The following SALL4 variants were observed in gnomAD, a reference collection of about 807,000 sequenced individuals.
SALL4 encodes the protein spalt like transcription factor 4, also known as sal-like protein 4.
In SALL4, 4 loss-of-function variants were observed where a neutral mutation model predicts 60.8. The observed-to-expected ratio is 0.07, with a 90% CI of 0.03 to 0.15. SALL4 has a LOEUF of 0.15. Ranked by LOEUF, SALL4 falls within the 10% of genes least tolerant of loss-of-function variation. SALL4 has a pLI of 1.00. For missense variants in SALL4, 1,178 were observed against 1,394.7 expected (o/e 0.84, Z 2.48); for synonymous variants, 580 against 574.9 (o/e 1.01, Z -0.13).
rs2078051857 is a variant in SALL4, at chr20:51,792,287, G to A, written c.196C>T (p.Leu66Phe). The change falls in exon 2 of 4, where the codon CTT (leucine) becomes TTT (phenylalanine). Residue 66 changes from leucine to phenylalanine, a missense_variant. By Grantham distance (22) the Leu-to-Phe change is conservative. Around this residue, in one of 5 missense-constraint regions of SALL4, gnomAD observed 108 missense variants for 95.7 expected, o/e 1.13. Coordinates refer to ENST00000217086, the MANE Select transcript of SALL4 (RefSeq NM_020436.5). ...ASEDEATVKR[L>F]RREETHVCEK... ...CAGACGTGCGTCTCCTCCCGACGAA[G>A]CCGCTTTACTGTGGCTTCATCCTCA... 1 of 1,610,966 alleles carries A rather than the reference G, an allele frequency of 6.2e-7. No individual in the cohort carries two copies.
chr20:51,802,313 A>C lies in SALL4; in HGVS notation c.96T>G (p.Asp32Glu). 4 of 1,610,152 alleles carry C rather than the reference A, an allele frequency of 2.5e-6. No individual in the cohort carries two copies. The highest frequency in any genetic ancestry group is 3.4e-6 in the Non-Finnish European group (4 of 1,179,448). Residue 32 changes from aspartate to glutamate, a missense_variant, in exon 1 of 4, where the codon GAT becomes GAG. Physicochemically the swap from Asp to Glu is conservative, Grantham distance 45 (BLOSUM62 2). Coordinates refer to ENST00000217086, the MANE Select transcript of SALL4 (RefSeq NM_020436.5). ...QPQQQTPEFA[D>E]AAPAAPAAGE... ...CCGCCGCGGGCGCCGCTGGGGCCGCATCTGCAAACTCCGGGGTCTGCTGCT... is the reference window on the plus strand; with the variant it reads ...CCGCCGCGGGCGCCGCTGGGGCCGCCTCTGCAAACTCCGGGGTCTGCTGCT...
chr20:51,788,718 A>C lies in SALL4; in HGVS notation c.2742+143T>G. The stretch of plus-strand genomic sequence containing the variant: ...GTCTCAAAAATAAATAAATAAATAA[A>C]CAAACTCCTGGACTCAAGCAATCCT... On this transcript the variant is annotated intron_variant, in intron 3 of 3. Coordinates refer to ENST00000217086, the MANE Select transcript of SALL4 (RefSeq NM_020436.5). This position sits in a 1 kb window ranked among gnomAD's most constrained non-coding sequence, Gnocchi z 4.1. 2 of 997,400 alleles carry C rather than the reference A, an allele frequency of 2.0e-6. No individual in the cohort carries two copies. Among genetic ancestry groups the C allele is most frequent in the Non-Finnish European group, 3.0e-6 (2 of 657,806 alleles). The allele number at this position is 997,400 out of a possible 1,614,324, so 61.8% of individuals were successfully genotyped here.
At chr20:51,792,550 ATGG>A (rs2122967457) in intron 1 of SALL4, among the ~76,000 whole-genome samples, 198 bp from the exon 2 acceptor site, 1 of 152,038 alleles carries the variant, frequency 6.6e-6, no homozygotes, top group South Asian at 2.1e-4. Flanking sequence ...TTAGCTGGGC[ATGG>A]TGGTGGGCTC....
intron 1 of SALL4, among the ~76,000 whole-genome samples, chr20:51,795,634 T>C (rs2078074849): frequency 6.6e-6 from 1 of 152,158 alleles, no homozygotes; most frequent in Non-Finnish European, 1.5e-5. Flanking sequence ...TAAAACAGTT[T>C]CTCTTGTTAG....
Position 51,782,343 on chromosome 20 carries a change from AC to A in SALL4, c.*1921del, listed in dbSNP as rs1466447888. ...ATATACACCTGGGTGAGAAAAAAAA[AC>A]ATTCAAATTTTATTTTCCAACAGAC... On this transcript the variant is annotated 3_prime_UTR_variant, in exon 4 of 4. Transcript: ENST00000217086. The A allele has an allele frequency of 5.3e-5, 8 of 152,090 alleles. No homozygotes were observed. The highest frequency in any genetic ancestry group is 1.3e-4 in the Admixed American group (2 of 15,248). 9.4% of individuals were successfully genotyped at this position (152,090 alleles called of 1,614,324 possible).
chr20:51,797,006 G>A (rs561923345), intron 1 of SALL4, among the ~76,000 whole-genome samples: 134 of 151,832 alleles, frequency 8.8e-4, no homozygotes, highest in African/African-American at 3.0e-3. Flanking sequence ...TTTAAACAGG[G>A]GGTCTATGAA....
intron 2 of SALL4, among the ~76,000 whole-genome samples, chr20:51,789,785 AC>A (rs1368990730): frequency 6.6e-6 from 1 of 152,182 alleles, no homozygotes; most frequent in African/African-American, 2.4e-5. Flanking sequence ...ATAAAAACCA[AC>A]AAAAAAGGTA....
At chr20:51,794,483 G>A (rs577504033) in intron 1 of SALL4, among the ~76,000 whole-genome samples, 14 of 152,156 alleles carry the variant, frequency 9.2e-5, no homozygotes, top group Admixed American at 5.9e-4. Context: ...CCCAGGAGGC[G>A]GAGGTTGCAG....
Position 51,790,289 on chromosome 20 carries a change from C to T in SALL4, c.2194G>A (p.Ala732Thr). The T allele has an allele frequency of 1.2e-6, 2 of 1,614,176 alleles. No individual in the cohort carries two copies. Among genetic ancestry groups the T allele is most frequent in the Non-Finnish European group, 1.7e-6 (2 of 1,180,046 alleles). ...GGGGCAGGACCCACTTTCCCTGGGGCATCTAAGGAAGCCATCATGGCAAAC... is the reference window on the plus strand; with the variant it reads ...GGGGCAGGACCCACTTTCCCTGGGGTATCTAAGGAAGCCATCATGGCAAAC... ...LGFAMMASLD[A>T]PGKVGPAPFN... is the part of the protein sequence containing the mutation. Residue 732 changes from alanine (A) to threonine (T), a missense_variant, in exon 2 of 4, where the codon GCC (alanine) becomes ACC (threonine). By Grantham distance (58) the Ala-to-Thr change is moderately conservative. Around this residue, in one of 5 missense-constraint regions of SALL4, gnomAD observed 853 missense variants for 1,036.8 expected, o/e 0.82. Transcript: ENST00000217086. This position sits in a 1 kb window ranked among gnomAD's most constrained non-coding sequence, Gnocchi z 5.5.
At chr20:51,792,946 G>C (rs2078058384) in intron 1 of SALL4, 1 of 994,668 alleles carries the variant, frequency 1.0e-6, no homozygotes, top group Admixed American at 5.4e-5. Context: ...ACAGGACAAA[G>C]ACAGGCATAT....
In SALL4 at chr20:51,784,307, C is replaced by G. The variant is rs2077974334; in HGVS notation, c.3120G>C (p.Gln1040His). 6 of 1,614,152 alleles carry G rather than the reference C, an allele frequency of 3.7e-6. No homozygotes were observed. The highest frequency in any genetic ancestry group is 5.1e-6 in the Non-Finnish European group (6 of 1,180,042). The change falls in exon 4 of 4, where the codon CAG (glutamine) becomes CAC (histidine). Residue 1040 changes from glutamine to histidine, a missense_variant. Transcript: ENST00000217086. ...PSATDGVPKH[Q>H]FPHFLEENKI... ...TGTTTTCTTCCAGGAAGTGAGGAAA[C>G]TGGTGTTTGGGAACGCCGTCAGTAG...
At chr20:51,797,441 G>C (rs2078085335) in intron 1 of SALL4, 1 of 152,046 alleles carries the variant, frequency 6.6e-6, no homozygotes, top group Admixed American at 6.6e-5. Flanking sequence ...TGCCTTTGCT[G>C]TATACACAAG....
chr20:51,802,356 T>G lies in SALL4; in HGVS notation c.53A>C (p.Gln18Pro). 1 of 1,611,140 alleles carries G rather than the reference T, an allele frequency of 6.2e-7. No homozygotes were observed. ...KPQHINSEED[Q>P]GEQQPQQQTP... ...CTGCTGCTGCGGCTGCTGCTCGCCC[T>G]GGTCCTCCTCCGAGTTGATGTGCTG... Residue 18 changes from glutamine (Q) to proline (P), a missense_variant, in exon 1 of 4, where the codon CAG becomes CCG. Physicochemically the swap from Gln to Pro is moderately conservative, Grantham distance 76 (BLOSUM62 -1). Around this residue, in one of 5 missense-constraint regions of SALL4, gnomAD observed 108 missense variants for 95.7 expected, o/e 1.13. Transcript: ENST00000217086.
chr20:51,790,073 C>G lies in SALL4; in HGVS notation c.2410G>C (p.Asp804His), dbSNP rs147768774. The change falls in exon 2 of 4, where the codon GAT becomes CAT. Residue 804 changes from aspartate to histidine, a missense_variant. By Grantham distance (81) the Asp-to-His change is moderately conservative. Transcript: ENST00000217086. This position sits in a 1 kb window ranked among gnomAD's most constrained non-coding sequence, Gnocchi z 5.5. Reference sequence around the variant, plus strand: ...GAGCTCTCTGCTTTGCTCCCAGCATCGGGAGACTTTGACTTGATGCTTTCG... The same window carrying G: ...GAGCTCTCTGCTTTGCTCCCAGCATGGGGAGACTTTGACTTGATGCTTTCG... The part of the protein sequence containing the change: ...QAESIKSKSP[D>H]AGSKAESSEN... 9.3e-6 allele frequency: 15 copies of G among 1,614,056 alleles called. No homozygotes were observed. Among genetic ancestry groups the G allele is most frequent in the Admixed American group, 1.7e-5 (1 of 60,000 alleles).
Position 51,790,757 on chromosome 20 carries a change from T to C in SALL4, c.1726A>G (p.Ser576Gly), listed in dbSNP as rs140430438. Residue 576 changes from serine (S) to glycine (G), a missense_variant, in exon 2 of 4, where the codon AGC (serine) becomes GGC (glycine). Ser to Gly is a moderately conservative substitution (Grantham distance 56). Around this residue, in one of 5 missense-constraint regions of SALL4, gnomAD observed 853 missense variants for 1,036.8 expected, o/e 0.82. Coordinates refer to ENST00000217086, the MANE Select transcript of SALL4 (RefSeq NM_020436.5). This position sits in a 1 kb window ranked among gnomAD's most constrained non-coding sequence, Gnocchi z 5.5. ...TGCATCTTGAGGGAGCTCTGACAGC[T>C]TAAGACTCGGTGGCAAATGAGACAT... ...NECLICHRVL[S>G]CQSSLKMHYR... is the part of the protein sequence containing the mutation. 22 of 1,614,004 alleles carry C rather than the reference T, an allele frequency of 1.4e-5. No homozygotes were observed. The highest frequency in any genetic ancestry group is 1.9e-5 in the Non-Finnish European group (22 of 1,180,034).
At chr20:51,795,910 C>A (rs1033890069) in intron 1 of SALL4, among the ~76,000 whole-genome samples, 1 of 151,954 alleles carries the variant, frequency 6.6e-6, no homozygotes, top group Non-Finnish European at 1.5e-5. Context: ...TAAAGAAGAC[C>A]AAGGCTGGGC....
rs547307581 is a variant in SALL4 at position 51,784,142 on chromosome 20, G to C, written c.*123C>G. On this transcript the variant is annotated 3_prime_UTR_variant, in exon 4 of 4. Transcript: ENST00000217086. ...GCCTGAGGTTGTGGTCACAACCAAC[G>C]TAGTAAACATCATTTGCATATCAGT... 314 of 1,163,208 alleles carry C rather than the reference G, an allele frequency of 2.7e-4. 5 individuals carry two copies. In the South Asian group the frequency reaches 3.8e-3, roughly 14 times the overall value. The allele number at this position is 1,163,208 out of a possible 1,614,324, so 72.1% of individuals were successfully genotyped here.
Position 51,801,209 on chromosome 20 carries a change from C to T in SALL4, c.130+1070G>A, listed in dbSNP as rs1256539057. 6.6e-6 allele frequency among the ~76,000 whole-genome samples: 1 copy of T among 152,182 alleles called. No individual in the cohort carries two copies. Among genetic ancestry groups the T allele is most frequent in the Non-Finnish European group, 1.5e-5 (1 of 68,032 alleles). On this transcript the variant is annotated intron_variant, in intron 1 of 3. Transcript: ENST00000217086. The surrounding 1 kb of genome is among the most constrained non-coding windows in gnomAD (Gnocchi z 5.2). Reference sequence around the variant, plus strand: ...GAGATAGTGGAAAACCGCCTCGCTCCTAAAACCTCCGCGGTGAAGTGATGA... The same window carrying T: ...GAGATAGTGGAAAACCGCCTCGCTCTTAAAACCTCCGCGGTGAAGTGATGA...
chr20:51,793,649 A>G (rs6096583), intron 1 of SALL4, among the ~76,000 whole-genome samples: 79,068 of 151,880 alleles, frequency 0.52, 22,048 homozygotes, highest in African/African-American at 0.74. Context: ...GGCTGGTCTC[A>G]AACTCCTGGG....
Sources: allele counts gnomAD v4.1 joint callset (sites outside exome capture counted in the v4.1 genomes callset), GRCh38; gene constraint gnomAD v4.1.1; regional missense constraint gnomAD v4.1.1; non-coding constraint Gnocchi (gnomAD v3.1); transcripts MANE v1.5; gene names NCBI Gene and HGNC (gene_info 2026-07-23, HGNC 2026-07-21).